FUT8: variants seen among roughly 807,000 people sequenced by gnomAD.
FUT8 encodes fucosyltransferase 8.
In FUT8, 29 loss-of-function variants were observed where a neutral mutation model predicts 71.3. That is an observed-to-expected ratio of 0.41 (90% confidence interval 0.30 to 0.55). FUT8 has a LOEUF of 0.55. FUT8 is among the 20% of genes least tolerant of loss of function. The pLI is 0.34. For missense variants in FUT8, 544 were observed against 702.1 expected (o/e 0.77, Z 2.55); for synonymous variants, 254 against 239.3 (o/e 1.06, Z -0.57).
chr14:65,438,679 A>G (rs981012581), intron 1 of FUT8, among the ~76,000 whole-genome samples: 2 of 152,168 alleles, frequency 1.3e-5, no homozygotes, highest in Admixed American at 6.5e-5. Flanking sequence ...TTTTCTTATT[A>G]TGCATTGCTG....
At chr14:65,381,617 C>G in the FUT8 span, among the ~76,000 whole-genome samples, 2 of 152,194 alleles carry the variant, frequency 1.3e-5, no homozygotes, top group African/African-American at 2.4e-5. Flanking sequence ...TACCTTCCAT[C>G]TCATAATGAA....
chr14:65,551,835 T>C (rs1270175371), intron 2 of FUT8, among the ~76,000 whole-genome samples: 3 of 152,220 alleles, frequency 2.0e-5, no homozygotes, highest in Non-Finnish European at 4.4e-5. Context: ...GTAATCATTG[T>C]AAATTTAATA....
intron 2 of FUT8, among the ~76,000 whole-genome samples, chr14:65,531,486 A>G (rs766135563): frequency 2.0e-5 from 3 of 152,128 alleles, no homozygotes; most frequent in African/African-American, 4.8e-5. Flanking sequence ...AAAAAAAATG[A>G]GGAAATGTAG....
rs1017541781 is a variant in FUT8, at chr14:65,419,469, A to G, written c.-326+6255A>G. Among the ~76,000 whole-genome samples, 5 of 152,226 alleles carry G rather than the reference A, an allele frequency of 3.3e-5. 1 individual carries two copies. Among genetic ancestry groups the G allele is most frequent in the Admixed American group, 6.5e-5 (1 of 15,288 alleles). ...TCACAAGGTGAAAGTGTCTTTGATA[A>G]TTAGGGCCTAATCAATTGGGATTTG... is the stretch of plus-strand genomic sequence containing the variant. On this transcript the variant is annotated intron_variant, in intron 1 of 10. Transcript: ENST00000673929.
chr14:65,581,772 C>T (rs1222907733), intron 3 of FUT8, among the ~76,000 whole-genome samples: 2 of 151,766 alleles, frequency 1.3e-5, no homozygotes, highest in African/African-American at 4.8e-5. Flanking sequence ...TAATGGATGT[C>T]AACCATTTTT....
chr14:65,639,149 G>T (rs567054277), intron 6 of FUT8, among the ~76,000 whole-genome samples: 37 of 152,244 alleles, frequency 2.4e-4, no homozygotes, highest in African/African-American at 8.2e-4. Flanking sequence ...AGTGGTAGTG[G>T]ATATAGTGGC....
At chr14:65,644,436 G>C (rs544650415) in intron 6 of FUT8, among the ~76,000 whole-genome samples, 1 of 151,710 alleles carries the variant, frequency 6.6e-6, no homozygotes, top group Non-Finnish European at 1.5e-5. Flanking sequence ...GACTACAGGC[G>C]CCCACCACCG....
chr14:65,460,366 T>G (rs4902395), intron 2 of FUT8, among the ~76,000 whole-genome samples: 1 of 152,196 alleles, frequency 6.6e-6, no homozygotes, highest in Non-Finnish European at 1.5e-5. Flanking sequence ...TAAGATAATC[T>G]CTCTAGGGAA....
intron 3 of FUT8, among the ~76,000 whole-genome samples, chr14:65,597,051 T>C (rs770634529): frequency 6.6e-5 from 10 of 152,190 alleles, no homozygotes; most frequent in Admixed American, 6.5e-5. Flanking sequence ...GCCCCTACTG[T>C]TTTGGAACAT....
intron 2 of FUT8, among the ~76,000 whole-genome samples, chr14:65,531,483 A>G (rs1883952003): frequency 6.6e-6 from 1 of 152,172 alleles, no homozygotes; most frequent in African/African-American, 2.4e-5. Context: ...TTAAAAAAAA[A>G]TGAGGAAATG....
In FUT8 at chr14:65,652,252, C is replaced by T. The variant is rs1467059291; in HGVS notation, c.598-16991C>T. Among the ~76,000 whole-genome samples the T allele has an allele frequency of 6.6e-6, 1 of 152,172 alleles. No homozygotes were observed. Among genetic ancestry groups the T allele is most frequent in the East Asian group, 1.9e-4 (1 of 5,200 alleles). On this transcript the variant is annotated intron_variant, in intron 6 of 10. Transcript: ENST00000673929. The surrounding 1 kb of genome is among the most constrained non-coding windows in gnomAD (Gnocchi z 4.0). The stretch of plus-strand genomic sequence containing the variant: ...TTCAGTGGACCAGAAGCTGGAAAGG[C>T]CAGATACTCGCTTTCCTAGCACCCT...
In FUT8 at chr14:65,519,670, TAA is replaced by T. The variant is rs369199855; in HGVS notation, c.-227-41664_-227-41663del. Among the ~76,000 whole-genome samples the T allele has an allele frequency of 1.6e-3, 250 of 152,370 alleles. 5 individuals are homozygous for T. Among genetic ancestry groups the T allele is most frequent in the East Asian group, 0.015 (78 of 5,192 alleles). Reference sequence around the variant, plus strand: ...TTGATGGTCCGTTGTCCTGTAAATGTAAAAGTGTTATTAAAGAATTCTGCATT... The same window carrying T: ...TTGATGGTCCGTTGTCCTGTAAATGTAAGTGTTATTAAAGAATTCTGCATT... On this transcript the variant is annotated intron_variant, in intron 2 of 10. Coordinates refer to ENST00000673929, the MANE Select transcript of FUT8 (RefSeq NM_001371533.1).
rs1054240 is a variant in FUT8, at chr14:65,743,065, A to G, written c.*655A>G. On this transcript the variant is annotated 3_prime_UTR_variant, in exon 11 of 11. Transcript: ENST00000673929. Reference sequence around the variant, plus strand: ...CTCCATTAGAAAATTTTGTAAAACAATGCCATGAACAAATTCTTTAGTACT... The same window carrying G: ...CTCCATTAGAAAATTTTGTAAAACAGTGCCATGAACAAATTCTTTAGTACT... 0.022 allele frequency: 3,366 copies of G among 152,356 alleles called. 44 individuals are homozygous for G. The highest frequency in any genetic ancestry group is 0.039 in the African/African-American group (1,599 of 41,486). The allele number at this position is 152,356 out of a possible 1,614,324, so 9.4% of individuals were successfully genotyped here.
chr14:65,461,110 A>G (rs1185174939), intron 2 of FUT8, among the ~76,000 whole-genome samples: 2 of 152,172 alleles, frequency 1.3e-5, no homozygotes, highest in South Asian at 2.1e-4. Context: ...GCAGTCTGAA[A>G]TCAAGGTGTT....
intron 2 of FUT8, among the ~76,000 whole-genome samples, chr14:65,521,785 A>G (rs1354746631): frequency 1.3e-5 from 2 of 152,080 alleles, no homozygotes; most frequent in South Asian, 2.1e-4. Context: ...TGCTTATTGT[A>G]TCTTGGGCAC....
At chr14:65,463,210 TATTTCTATTCAC>T (rs1566762745) in intron 2 of FUT8, among the ~76,000 whole-genome samples, 1 of 152,222 alleles carries the variant, frequency 6.6e-6, no homozygotes, top group Non-Finnish European at 1.5e-5. Context: ...ACCTCTATCA[TATTTCTATTCAC>T]ATTTCTATTC....
chr14:65,407,349 C>T (rs960300705), upstream of FUT8, among the ~76,000 whole-genome samples: 2 of 152,190 alleles, frequency 1.3e-5, no homozygotes, highest in Non-Finnish European at 2.9e-5. Flanking sequence ...TTAATCTCTT[C>T]ATCTGTAAGA....
At chr14:65,534,408 A>T (rs1884154412) in intron 2 of FUT8, among the ~76,000 whole-genome samples, 2 of 151,750 alleles carry the variant, frequency 1.3e-5, no homozygotes, top group African/African-American at 4.8e-5. Context: ...TATCATCATG[A>T]TGCTGGCCTT....
intron 6 of FUT8, among the ~76,000 whole-genome samples, chr14:65,651,398 A>G (rs1438467081): frequency 6.6e-6 from 1 of 152,260 alleles, no homozygotes; most frequent in Non-Finnish European, 1.5e-5. Flanking sequence ...TTGACATTTG[A>G]TTCACAGCCC....
Sources: allele counts gnomAD v4.1 joint callset (sites outside exome capture counted in the v4.1 genomes callset), GRCh38; gene constraint gnomAD v4.1.1; non-coding constraint Gnocchi (gnomAD v3.1); transcripts MANE v1.5; gene names NCBI Gene and HGNC (gene_info 2026-07-23, HGNC 2026-07-21).